HSD17B2: variants seen among roughly 807,000 people sequenced by gnomAD.
HSD17B2 encodes the protein 17-beta-hydroxysteroid dehydrogenase type 2.
Under a neutral mutation model 26.9 loss-of-function variants are expected in HSD17B2, and 32 were observed. The observed-to-expected ratio is 1.19, with a 90% confidence interval of 0.90 to 1.60. The LOEUF (loss-of-function observed/expected upper bound fraction) is 1.60. Ranked by LOEUF, HSD17B2 falls within the 40% of genes most tolerant of loss-of-function variation. The pLI, the probability that HSD17B2 is intolerant of heterozygous loss-of-function variation, is 0.00. For synonymous variants in HSD17B2, 246 were observed against 186.7 expected (o/e 1.32, Z -2.59); for missense variants, 613 against 468.6 (o/e 1.31, Z -2.85).
chr16:82,037,365 T>C (rs1439875135), intron 1 of HSD17B2, among the ~76,000 whole-genome samples: 1 of 152,240 alleles, frequency 6.6e-6, no homozygotes, highest in East Asian at 1.9e-4. Flanking sequence ...AAATTTAAAA[T>C]GAATTCATTT....
chr16:82,062,092 T>A (rs769363987), intron 1 of HSD17B2, among the ~76,000 whole-genome samples: 2 of 152,240 alleles, frequency 1.3e-5, no homozygotes, highest in Non-Finnish European at 2.9e-5. Flanking sequence ...GGCAGTAGCA[T>A]AAATACACTT....
chr16:82,093,912 T>C (rs1215770561), intron 4 of HSD17B2: 1 of 152,158 alleles, frequency 6.6e-6, no homozygotes, highest in Non-Finnish European at 1.5e-5. Context: ...TTTTAGACCA[T>C]ACAGAGCAAC....
chr16:82,038,322 T>G (rs941652002), intron 1 of HSD17B2, among the ~76,000 whole-genome samples: 2 of 152,206 alleles, frequency 1.3e-5, no homozygotes, highest in Non-Finnish European at 2.9e-5. Flanking sequence ...ATATTTAAAA[T>G]GTATGTGTGA....
intron 1 of HSD17B2, among the ~76,000 whole-genome samples, chr16:82,053,251 T>G (rs1008690419): frequency 6.6e-6 from 1 of 152,096 alleles, no homozygotes; most frequent in Non-Finnish European, 1.5e-5. Flanking sequence ...GAATTGGTGA[T>G]CAGAGTCACC....
intron 4 of HSD17B2, chr16:82,094,332 A>G (rs1250231058): frequency 6.6e-6 from 1 of 152,194 alleles, no homozygotes; most frequent in Admixed American, 6.5e-5. Flanking sequence ...CCTGTTTTCT[A>G]AAATATTGCT....
rs578060986 is a variant in HSD17B2 at position 82,043,905 on chromosome 16, C to A, written c.265+8216C>A. Among the ~76,000 whole-genome samples, 14 of 152,228 alleles carry A rather than the reference C, an allele frequency of 9.2e-5. No individual in the cohort carries two copies. The South Asian group carries it at 2.5e-3, about 27-fold the overall frequency. ...AAATATCTTCCTTATAATGAGCGAA[C>A]TATTCTTCCCTTGAAGTTAACTCTG... is the stretch of plus-strand genomic sequence containing the variant. On this transcript the variant is annotated intron_variant, in intron 1 of 4. Transcript: ENST00000199936.
At chr16:82,054,746 G>A (rs1233333249) in intron 1 of HSD17B2, among the ~76,000 whole-genome samples, 2 of 152,128 alleles carry the variant, frequency 1.3e-5, no homozygotes, top group Non-Finnish European at 2.9e-5. Flanking sequence ...ATCTCTTTGA[G>A]ATGTCATTTT....
chr16:82,057,853 G>T (rs557877563), intron 1 of HSD17B2, among the ~76,000 whole-genome samples: 2 of 152,160 alleles, frequency 1.3e-5, no homozygotes, highest in Non-Finnish European at 2.9e-5. Context: ...TGTCAGGTCT[G>T]AGAACCTGTC....
intron 4 of HSD17B2, chr16:82,095,041 G>A (rs1370237778): frequency 6.6e-6 from 1 of 152,268 alleles, no homozygotes; most frequent in African/African-American, 2.4e-5. Context: ...AGTGGGAGAT[G>A]ATGACGGACT....
intron 3 of HSD17B2, among the ~76,000 whole-genome samples, chr16:82,084,125 T>C (rs1904454517): frequency 6.6e-6 from 1 of 152,176 alleles, no homozygotes; most frequent in Admixed American, 6.5e-5. Context: ...GGTTACTAGC[T>C]GGGTGACCTG....
intron 3 of HSD17B2, among the ~76,000 whole-genome samples, chr16:82,075,615 C>A (rs1904296402): frequency 1.3e-5 from 2 of 151,890 alleles, no homozygotes; most frequent in South Asian, 4.1e-4. Flanking sequence ...AATTGGAGAA[C>A]CTAGAAGAGA....
chr16:82,040,195 G>A (rs58442388), intron 1 of HSD17B2, among the ~76,000 whole-genome samples: 2,480 of 152,248 alleles, frequency 0.016, 64 homozygotes, highest in African/African-American at 0.055. Context: ...AGTGTCTCAC[G>A]TGAGTGATCA....
chr16:82,089,570 C>A (rs1001368978), intron 3 of HSD17B2, among the ~76,000 whole-genome samples: 4 of 152,184 alleles, frequency 2.6e-5, no homozygotes, highest in Non-Finnish European at 5.9e-5. Context: ...TCACCACAAA[C>A]GGAGTGGCTT....
Position 82,098,488 on chromosome 16 carries a change from G to C in HSD17B2, c.*52G>C. 3 of 1,509,908 alleles carry C rather than the reference G, an allele frequency of 2.0e-6. No homozygotes were observed. The highest frequency in any genetic ancestry group is 3.6e-4 in the Middle Eastern group (2 of 5,610). 93.5% of individuals were successfully genotyped at this position (1,509,908 alleles called of 1,614,324 possible). A position where few individuals can be genotyped will look rare whatever the true frequency, so the allele number is the denominator to read the frequency against. ...AATGTCATAGTCTTGAAATGAAAGGGAAACTGGGAAACTGGGTTTCTCATT... is the reference window on the plus strand; with the variant it reads ...AATGTCATAGTCTTGAAATGAAAGGCAAACTGGGAAACTGGGTTTCTCATT... On this transcript the variant is annotated 3_prime_UTR_variant, in exon 5 of 5. Transcript: ENST00000199936.
At chr16:82,077,344 G>C (rs1465488090) in intron 3 of HSD17B2, among the ~76,000 whole-genome samples, 1 of 151,820 alleles carries the variant, frequency 6.6e-6, no homozygotes, top group South Asian at 2.1e-4. Flanking sequence ...ACAGGATAGA[G>C]AACCCAGAAA....
intron 1 of HSD17B2, among the ~76,000 whole-genome samples, chr16:82,055,251 G>A (rs1423373511): frequency 1.3e-5 from 2 of 152,204 alleles, no homozygotes; most frequent in Admixed American, 6.5e-5. Context: ...GTTCCTGTCT[G>A]AGAGCCTTTG....
At chr16:82,072,448 G>A (rs1423510401) in intron 3 of HSD17B2, among the ~76,000 whole-genome samples, 1 of 152,090 alleles carries the variant, frequency 6.6e-6, no homozygotes, top group Admixed American at 6.5e-5. Context: ...CATTTCCCTG[G>A]AATAGTCTGG....
At chr16:82,097,587 T>G (rs1191539367) in intron 4 of HSD17B2, 1 of 152,180 alleles carries the variant, frequency 6.6e-6, no homozygotes, top group African/African-American at 2.4e-5. Context: ...ACGTGTGCAC[T>G]TTTCTGTATG....
At chr16:82,055,668 G>C (rs1914244341) in intron 1 of HSD17B2, among the ~76,000 whole-genome samples, 1 of 152,222 alleles carries the variant, frequency 6.6e-6, no homozygotes, top group African/African-American at 2.4e-5. Context: ...CATCCAGACA[G>C]CGTACTGTAT....
Sources: gnomAD v4.1 joint callset for allele counts (sites outside exome capture counted in the v4.1 genomes callset) on GRCh38, gnomAD v4.1.1 for gene constraint, MANE v1.5 for transcripts, NCBI Gene and HGNC (gene_info 2026-07-23, HGNC 2026-07-21) for gene names.